LINGO1: variants seen among roughly 807,000 people sequenced by gnomAD.
The protein encoded by LINGO1 is leucine rich repeat and Ig domain containing 1.
A neutral mutation model predicts 37.3 loss-of-function variants in LINGO1; 11 were observed. The observed-to-expected ratio is 0.29, with a 90% CI of 0.19 to 0.49. The LOEUF (loss-of-function observed/expected upper bound fraction) is 0.49, where lower values mean the gene tolerates loss of function less well. LINGO1 is among the 20% of genes least tolerant of loss of function. The pLI, the probability that LINGO1 is intolerant of heterozygous loss-of-function variation, is 0.99. For missense variants in LINGO1, 585 were observed against 878.2 expected (o/e 0.67, Z 4.22); for synonymous variants, 387 against 403.0 (o/e 0.96, Z 0.48).
intron 1 of LINGO1, among the ~76,000 whole-genome samples, chr15:77,765,085 G>A (rs961790053): frequency 2.0e-5 from 3 of 152,192 alleles, no homozygotes; most frequent in Non-Finnish European, 4.4e-5. Flanking sequence ...TTGAAAGTTG[G>A]AGAGCAGATG....
chr15:77,786,659 C>A (rs930876231), intron 1 of LINGO1, among the ~76,000 whole-genome samples: 2 of 152,196 alleles, frequency 1.3e-5, no homozygotes, highest in Admixed American at 1.3e-4. Flanking sequence ...GACAGAGGAG[C>A]CACCCGTGGC....
chr15:77,798,427 C>T (rs1424539928), intron 1 of LINGO1, among the ~76,000 whole-genome samples: 3 of 152,234 alleles, frequency 2.0e-5, no homozygotes, highest in African/African-American at 7.2e-5. Context: ...AGTGCCATTC[C>T]GGGCCCCCGG....
intron 1 of LINGO1, among the ~76,000 whole-genome samples, chr15:77,816,178 A>G (rs1001068143): frequency 6.6e-6 from 1 of 152,164 alleles, no homozygotes; most frequent in African/African-American, 2.4e-5. Flanking sequence ...ACTAATACTC[A>G]GAGGTATGGG....
At chr15:77,628,235 G>A (rs2074152053) in intron 1 of LINGO1, among the ~76,000 whole-genome samples, 1 of 152,234 alleles carries the variant, frequency 6.6e-6, no homozygotes, top group Non-Finnish European at 1.5e-5. Flanking sequence ...GACACTGCAT[G>A]TTGCCTCAGA....
intron 1 of LINGO1, among the ~76,000 whole-genome samples, chr15:77,736,560 C>T (rs1041196842): frequency 6.6e-6 from 1 of 151,958 alleles, no homozygotes; most frequent in African/African-American, 2.4e-5. Context: ...CCCAGGAGTT[C>T]AAGACCAGCC....
At chr15:77,742,505 C>T (rs895029823) in intron 1 of LINGO1, among the ~76,000 whole-genome samples, 2 of 152,214 alleles carry the variant, frequency 1.3e-5, no homozygotes, top group African/African-American at 4.8e-5. Context: ...CTAAGGCACA[C>T]AGCCAGCACC....
At chr15:77,749,149 C>T (rs2076346222) in intron 1 of LINGO1, among the ~76,000 whole-genome samples, 1 of 151,982 alleles carries the variant, frequency 6.6e-6, no homozygotes, top group Non-Finnish European at 1.5e-5. Context: ...CTTAGGTGAT[C>T]CGCCTGCCTC....
chr15:77,639,172 A>T (rs1278830091), upstream of LINGO1, among the ~76,000 whole-genome samples: 1 of 152,144 alleles, frequency 6.6e-6, no homozygotes, highest in East Asian at 1.9e-4. Flanking sequence ...GCTGATGTCT[A>T]GATGGGAGCC....
chr15:77,681,320 C>T (rs887322353), intron 2 of LINGO1, among the ~76,000 whole-genome samples: 9 of 151,890 alleles, frequency 5.9e-5, no homozygotes, highest in African/African-American at 1.9e-4. Flanking sequence ...ACCATCATGG[C>T]CATAGCATTT....
intron 3 of LINGO1, among the ~76,000 whole-genome samples, chr15:77,644,098 C>T (rs1234725991): frequency 6.6e-6 from 1 of 152,252 alleles, no homozygotes; most frequent in Non-Finnish European, 1.5e-5. Context: ...GGGGCAGCGG[C>T]ATCTGCTTTG....
intron 1 of LINGO1, among the ~76,000 whole-genome samples, chr15:77,759,140 A>C (rs1772527340): frequency 6.6e-6 from 1 of 152,218 alleles, no homozygotes; most frequent in African/African-American, 2.4e-5. Flanking sequence ...CATGTGACCT[A>C]CGCAGATTAA....
intron 2 of LINGO1, among the ~76,000 whole-genome samples, chr15:77,795,374 G>C (rs1448278680): frequency 6.6e-6 from 1 of 152,144 alleles, no homozygotes; most frequent in African/African-American, 2.4e-5. Context: ...TAAAGTCCAA[G>C]AACACATCTC....
In LINGO1 at chr15:77,751,586, G is replaced by A. The variant is rs555258142; in HGVS notation, c.-256-16533C>T. ...TCCCTGGAGGGCTTCCTGGAGAAGG[G>A]TCAGTGCTTCAGGCCTTTCCATCCT... On this transcript the variant is annotated intron_variant, in intron 1 of 3. Transcript: ENST00000561686. Among the ~76,000 whole-genome samples, 7 of 152,266 alleles carry A rather than the reference G, an allele frequency of 4.6e-5. No homozygotes were observed. The South Asian group carries it at 6.2e-4, about 14-fold the overall frequency.
At chr15:77,785,653 G>A (rs2076763942) in intron 1 of LINGO1, among the ~76,000 whole-genome samples, 1 of 152,050 alleles carries the variant, frequency 6.6e-6, no homozygotes, top group Non-Finnish European at 1.5e-5. Context: ...CTCATGCCCT[G>A]TCCTGGGCTT....
At chr15:77,651,986 CCA>C (rs1186349072) in intron 3 of LINGO1, 1 of 152,174 alleles carries the variant, frequency 6.6e-6, no homozygotes, top group Non-Finnish European at 1.5e-5. Context: ...TCAAGAAAGG[CCA>C]CAGAGTGGAA....
chr15:77,762,800 C>T (rs896091198), intron 1 of LINGO1, among the ~76,000 whole-genome samples: 15 of 152,062 alleles, frequency 9.9e-5, no homozygotes, highest in Non-Finnish European at 1.5e-4. Flanking sequence ...TGGGACCACC[C>T]GTGCCTGCCA....
chr15:77,663,889 A>G (rs2141178528), intron 3 of LINGO1, among the ~76,000 whole-genome samples: 1 of 152,284 alleles, frequency 6.6e-6, no homozygotes, highest in African/African-American at 2.4e-5. Flanking sequence ...CTCAGGCCCA[A>G]GAGTGAGGTC....
intron 3 of LINGO1, among the ~76,000 whole-genome samples, chr15:77,670,606 T>C (rs140902434): frequency 1.3e-5 from 2 of 152,334 alleles, no homozygotes; most frequent in African/African-American, 4.8e-5. Context: ...CTTCATACTC[T>C]GTAAAACCTC....
At chr15:77,814,048 G>T (rs2077029192) in intron 1 of LINGO1, among the ~76,000 whole-genome samples, 1 of 151,892 alleles carries the variant, frequency 6.6e-6, no homozygotes, top group Admixed American at 6.5e-5. Flanking sequence ...GAGAAATACA[G>T]CAGATGCTGC....
Sources: allele counts gnomAD v4.1 joint callset (sites outside exome capture counted in the v4.1 genomes callset), GRCh38; gene constraint gnomAD v4.1.1; transcripts MANE v1.5; gene names NCBI Gene and HGNC (gene_info 2026-07-23, HGNC 2026-07-21).